Variants in PXDNL observed in about 807,000 individuals in gnomAD.
PXDNL encodes peroxidasin like, also known as probable oxidoreductase PXDNL.
PXDNL carries 145 observed loss-of-function variants against 150.8 expected under a neutral mutation model. The ratio of observed to expected loss-of-function variants is 0.96; its 90% CI spans 0.84 to 1.10. PXDNL has a LOEUF of 1.10. Ranked by LOEUF, PXDNL falls within the 50% of genes least tolerant of loss-of-function variation. The probability of loss-of-function intolerance (pLI) is 0.00; values close to 1 mark genes in which losing one functional copy is unlikely to be tolerated. For missense variants in PXDNL, 2,087 were observed against 1,873.9 expected (o/e 1.11, Z -2.10); for synonymous variants, 757 against 725.7 (o/e 1.04, Z -0.69).
At chr8:51,763,157 C>T (rs945317726) in intron 1 of PXDNL, among the ~76,000 whole-genome samples, 32 of 152,062 alleles carry the variant, frequency 2.1e-4, no homozygotes, top group African/African-American at 6.8e-4. Flanking sequence ...TGTCATTTGT[C>T]TATTCCAGAT....
intron 1 of PXDNL, among the ~76,000 whole-genome samples, chr8:51,801,344 A>T (rs1255580055): frequency 6.6e-6 from 1 of 152,210 alleles, no homozygotes; most frequent in African/African-American, 2.4e-5. Flanking sequence ...TTATCAAGAC[A>T]GTATGTGCAC....
intron 17 of PXDNL, among the ~76,000 whole-genome samples, chr8:51,381,343 T>A (rs1252354063): frequency 2.0e-5 from 3 of 152,146 alleles, no homozygotes; most frequent in Admixed American, 2.0e-4. Flanking sequence ...TTGTTCTGTG[T>A]CTTATCCTGT....
At chr8:51,367,647 C>G (rs1387908488) in intron 19 of PXDNL, among the ~76,000 whole-genome samples, 1 of 151,998 alleles carries the variant, frequency 6.6e-6, no homozygotes, top group Non-Finnish European at 1.5e-5. Flanking sequence ...TATATACAAT[C>G]CTATCCATTA....
chr8:51,424,493 T>C (rs1809039433), intron 13 of PXDNL, among the ~76,000 whole-genome samples: 1 of 151,656 alleles, frequency 6.6e-6, no homozygotes, highest in African/African-American at 2.4e-5. Context: ...TATGTACTCA[T>C]ATGTTTTGTA....
chr8:51,482,630 T>C (rs1313259650), intron 6 of PXDNL, among the ~76,000 whole-genome samples: 1 of 152,138 alleles, frequency 6.6e-6, no homozygotes, highest in East Asian at 1.9e-4. Flanking sequence ...GACTAAATCA[T>C]AGAGGCAGTT....
chr8:51,763,153 T>A (rs931818966), intron 1 of PXDNL, among the ~76,000 whole-genome samples: 4 of 152,144 alleles, frequency 2.6e-5, no homozygotes, highest in African/African-American at 9.7e-5. Context: ...TCTCTGTCAT[T>A]TGTCTATTCC....
chr8:51,607,936 AAG>A (rs1345157613), intron 2 of PXDNL, among the ~76,000 whole-genome samples: 3 of 136,528 alleles, frequency 2.2e-5, no homozygotes, highest in East Asian at 2.1e-4. Context: ...GAAAGAAAGA[AAG>A]AGAGAGAAAG....
chr8:51,523,106 G>A (rs1463337989), intron 4 of PXDNL, among the ~76,000 whole-genome samples: 2 of 152,042 alleles, frequency 1.3e-5, no homozygotes, highest in African/African-American at 2.4e-5. Context: ...TAAAAAACCA[G>A]CCAAGTATCC....
intron 8 of PXDNL, among the ~76,000 whole-genome samples, chr8:51,461,072 C>T (rs573410475): frequency 3.2e-4 from 49 of 152,286 alleles, no homozygotes; most frequent in Middle Eastern, 6.8e-3. Context: ...TTGCCAGCAG[C>T]CTGAGAGCAC....
rs567664986 is a variant in PXDNL at position 51,725,531 on chromosome 8, T to C, written c.165-70771A>G. On this transcript the variant is annotated intron_variant, in intron 1 of 22. Coordinates refer to ENST00000356297, the MANE Select transcript of PXDNL (RefSeq NM_144651.5). ...AGAAGGCTTCTATGATAAGAACACATTCAGGGTCAGAGTGTTCTCTTTCCT... is the reference window on the plus strand; with the variant it reads ...AGAAGGCTTCTATGATAAGAACACACTCAGGGTCAGAGTGTTCTCTTTCCT... Among the ~76,000 whole-genome samples, 169 of 152,326 alleles carry C rather than the reference T, an allele frequency of 1.1e-3. 1 individual carries two copies. The highest frequency in any genetic ancestry group is 2.1e-3 in the Non-Finnish European group (141 of 68,024).
chr8:51,546,942 A>T (rs1048696055), intron 4 of PXDNL, among the ~76,000 whole-genome samples: 32 of 146,656 alleles, frequency 2.2e-4, no homozygotes, highest in African/African-American at 8.5e-4. Flanking sequence ...TTGGAACATA[A>T]CTCCATTGGC....
chr8:51,694,679 T>A (rs1308475783), intron 1 of PXDNL, among the ~76,000 whole-genome samples: 1 of 152,242 alleles, frequency 6.6e-6, no homozygotes. Flanking sequence ...GCAAGCTGTG[T>A]GATCTCAAAC....
At position 51,711,656 on chromosome 8, in the gene PXDNL, T is replaced by A. The variant is rs555879931; in HGVS notation, c.165-56896A>T. ...TATTCTCCAATTACTTTTGTCAACT[T>A]ACTTTTGTTAAGTGACTTTGTTTTG... On this transcript the variant is annotated intron_variant, in intron 1 of 22. Coordinates refer to ENST00000356297, the MANE Select transcript of PXDNL (RefSeq NM_144651.5). Among the ~76,000 whole-genome samples, 5 of 152,386 alleles carry A rather than the reference T, an allele frequency of 3.3e-5. No homozygotes were observed. In the East Asian group the frequency reaches 9.6e-4, roughly 29 times the overall value.
At chr8:51,467,535 T>G (rs1404362829) in intron 8 of PXDNL, among the ~76,000 whole-genome samples, 4 of 152,068 alleles carry the variant, frequency 2.6e-5, no homozygotes, top group East Asian at 3.9e-4. Flanking sequence ...ACTTCTTGGG[T>G]AGTGGTTCTG....
chr8:51,409,069 G>C lies in PXDNL; in HGVS notation c.2555C>G (p.Pro852Arg). Residue 852 changes from proline (P) to arginine (R), a missense_variant, in exon 17 of 23, where the codon CCC becomes CGC. Pro to Arg is a moderately radical substitution (Grantham distance 103). Coordinates refer to ENST00000356297, the MANE Select transcript of PXDNL (RefSeq NM_144651.5). ...CATGCAGGGCGCGTGGGTGCCCCGG[G>C]GGTCGGCGTGCCGGGTGTTCATGGG... ...CFPMNTRHAD[P>R]RGTHAPCMLF... The C allele has an allele frequency of 6.2e-7, 1 of 1,609,570 alleles. No homozygotes were observed. Among genetic ancestry groups the C allele is most frequent in the Non-Finnish European group, 8.5e-7 (1 of 1,179,462 alleles).
chr8:51,758,864 C>A (rs2037131232), intron 1 of PXDNL, among the ~76,000 whole-genome samples: 1 of 152,172 alleles, frequency 6.6e-6, no homozygotes, highest in South Asian at 2.1e-4. Context: ...CTTGTGCTTT[C>A]TCTTACCTAC....
In PXDNL at chr8:51,408,834, T is replaced by C; in HGVS notation, c.2790A>G (p.Gly930=). ...LKTGFPWPPS[G]KPLLPFSTGP... ...CTGTAGAAAAGGGCAATAAGGGCTTTCCGGAGGGAGGCCAAGGAAAGCCTG... is the reference window on the plus strand; with the variant it reads ...CTGTAGAAAAGGGCAATAAGGGCTTCCCGGAGGGAGGCCAAGGAAAGCCTG... The change falls in exon 17 of 23, where the codon GGA becomes GGG. Residue 930 remains glycine, a synonymous_variant. Transcript: ENST00000356297. 6.4e-7 allele frequency: 1 copy of C among 1,573,728 alleles called. No individual in the cohort carries two copies. The highest frequency in any genetic ancestry group is 8.6e-7 in the Non-Finnish European group (1 of 1,160,684).
At chr8:51,594,565 T>A (rs536980013) in intron 2 of PXDNL, among the ~76,000 whole-genome samples, 1 of 152,216 alleles carries the variant, frequency 6.6e-6, no homozygotes, top group Non-Finnish European at 1.5e-5. Flanking sequence ...AAAATTACAC[T>A]GAAATTATGA....
At chr8:51,581,989 AT>A (rs1563472640) in intron 3 of PXDNL, among the ~76,000 whole-genome samples, 1 of 151,928 alleles carries the variant, frequency 6.6e-6, no homozygotes, top group African/African-American at 2.4e-5. Context: ...ATATATTAGG[AT>A]TTTTTTAAAG....
Sources: gnomAD v4.1 joint callset for allele counts (sites outside exome capture counted in the v4.1 genomes callset) on GRCh38, gnomAD v4.1.1 for gene constraint, MANE v1.5 for transcripts, NCBI Gene and HGNC (gene_info 2026-07-23, HGNC 2026-07-21) for gene names.